REELD1: variants seen among roughly 807,000 people sequenced by gnomAD.
REELD1 encodes reeler domain containing 1.
REELD1 carries 12 observed loss-of-function variants against 6.3 expected under a neutral mutation model. The observed-to-expected ratio is 1.89, with a 90% CI of 1.21 to 3.07. The LOEUF is 3.07. REELD1 is among the 30% of genes most tolerant of loss of function. The pLI is 0.00. For synonymous variants in REELD1, 57 were observed against 33.6 expected (o/e 1.70, Z -2.42); for missense variants, 163 against 86.8 (o/e 1.88, Z -3.49).
intron 4 of REELD1, among the ~76,000 whole-genome samples, chr4:146,223,820 C>T (rs535712767): frequency 6.6e-6 from 1 of 152,306 alleles, no homozygotes; most frequent in Non-Finnish European, 1.5e-5. Flanking sequence ...TGACTTCGGC[C>T]AAATTAATCA....
At chr4:146,228,717 G>A (rs919073294) in intron 6 of REELD1, among the ~76,000 whole-genome samples, 195 bp downstream of exon 6, 1 of 152,136 alleles carries the variant, frequency 6.6e-6, no homozygotes, top group Non-Finnish European at 1.5e-5. Context: ...TTCTTGGATG[G>A]GGTGAGATCT....
chr4:146,216,906 A>G (rs923058834), intron 2 of REELD1, 36 bp from the exon 3 acceptor site: 1 of 398,350 alleles, frequency 2.5e-6, no homozygotes, highest in Non-Finnish European at 4.4e-6. Flanking sequence ...TTCCTAAATA[A>G]CGTCTGGACT....
chr4:146,221,562 A>C (rs1730922529), intron 3 of REELD1, among the ~76,000 whole-genome samples: 1 of 152,228 alleles, frequency 6.6e-6, no homozygotes. Context: ...TAATTGCTTT[A>C]AAAATTATTA....
At chr4:146,218,725 C>T (rs1730868096) in intron 3 of REELD1, among the ~76,000 whole-genome samples, 1 of 152,146 alleles carries the variant, frequency 6.6e-6, no homozygotes, top group Non-Finnish European at 1.5e-5. Context: ...GCAAGAGGCT[C>T]CCCAAGGAAG....
rs1221696368 is a variant in REELD1 at position 146,229,025 on chromosome 4, A to G, written c.909A>G (p.Arg303=). Residue 303 remains arginine (R), a splice_region_variant and synonymous_variant, in exon 7 of 8, where the codon AGA becomes AGG. Transcript: ENST00000623665. ...TCAGCCCTTCCATTCTTCCCTTTAGAACTCAGGATGATCCCAGCTTTGATT... is the reference window on the plus strand; with the variant it reads ...TCAGCCCTTCCATTCTTCCCTTTAGGACTCAGGATGATCCCAGCTTTGATT... ...SFASSLSTHH[R]TQDDPSFDSL... 1.4e-6 allele frequency: 1 copy of G among 702,446 alleles called. No homozygotes were observed. The highest frequency in any genetic ancestry group is 2.7e-5 in the East Asian group (1 of 37,280). The allele number at this position is 702,446 out of a possible 1,614,324, so 43.5% of individuals were successfully genotyped here.
chr4:146,229,990 C>G lies in REELD1; in HGVS notation c.1058C>G (p.Ser353Cys). 1 of 398,746 alleles carries G rather than the reference C, an allele frequency of 2.5e-6. No individual in the cohort carries two copies. The highest frequency in any genetic ancestry group is 4.4e-6 in the Non-Finnish European group (1 of 226,134). 24.7% of individuals were successfully genotyped at this position (398,746 alleles called of 1,614,324 possible). Residue 353 changes from serine (S) to cysteine (C), a missense_variant, in exon 8 of 8, where the codon TCT becomes TGT. By Grantham distance (112) the Ser-to-Cys change is moderately radical. Coordinates refer to ENST00000623665, the MANE Select transcript of REELD1 (RefSeq NM_001354631.1). ...QLTYPQCLWS[S>C]ETFTGNGVRA... ...ACCTATCCCCAGTGCCTCTGGTCCTCTGAAACTTTCACAGGGAATGGGGTC... is the reference window on the plus strand; with the variant it reads ...ACCTATCCCCAGTGCCTCTGGTCCTGTGAAACTTTCACAGGGAATGGGGTC...
At chr4:146,222,610 CTG>C (rs1730944250) in intron 4 of REELD1, 31 bp downstream of exon 4, 1 of 398,468 alleles carries the variant, frequency 2.5e-6, no homozygotes, top group African/African-American at 2.1e-5. Context: ...TTCTTAGAAA[CTG>C]AGCCTTCTAC....
At chr4:146,224,138 T>C (rs1730976129) in intron 4 of REELD1, among the ~76,000 whole-genome samples, 1 of 152,242 alleles carries the variant, frequency 6.6e-6, no homozygotes, top group Non-Finnish European at 1.5e-5. Flanking sequence ...TATTGGAGTC[T>C]AAACAGTTTG....
intron 7 of REELD1, 34 bp downstream of exon 7, chr4:146,229,122 T>C: frequency 2.9e-6 from 2 of 699,644 alleles, no homozygotes; most frequent in African/African-American, 1.7e-5. Context: ...GGCTTGTGAC[T>C]GGTATTTTGA....
At chr4:146,228,131 CT>C (rs1560726796) in intron 5 of REELD1, 78 bp from the exon 6 acceptor site, 7 of 649,364 alleles carry the variant, frequency 1.1e-5, no homozygotes, top group Middle Eastern at 7.5e-4. Context: ...CTGTTTACCC[CT>C]GATCATAGCT....
At chr4:146,227,975 C>G (rs952389998) in intron 5 of REELD1, among the ~76,000 whole-genome samples, 2 of 152,042 alleles carry the variant, frequency 1.3e-5, no homozygotes, top group African/African-American at 4.8e-5. Flanking sequence ...AGGTACAAGC[C>G]CAGACAGGCC....
At position 146,230,672 on chromosome 4, in the gene REELD1, A is replaced by G; in HGVS notation, c.*159A>G. On this transcript the variant is annotated 3_prime_UTR_variant, in exon 8 of 8. Coordinates refer to ENST00000623665, the MANE Select transcript of REELD1 (RefSeq NM_001354631.1). Reference sequence around the variant, plus strand: ...GAACCCGGGAGAGGACACTTTCATCAACAGAGGGAGTTATTCCTGAGCTTT... The same window carrying G: ...GAACCCGGGAGAGGACACTTTCATCGACAGAGGGAGTTATTCCTGAGCTTT... 2.5e-6 allele frequency: 1 copy of G among 395,220 alleles called. No individual in the cohort carries two copies. The highest frequency in any genetic ancestry group is 1.4e-4 in the South Asian group (1 of 6,984). 24.5% of individuals were successfully genotyped at this position (395,220 alleles called of 1,614,324 possible).
chr4:146,228,533 T>C lies in REELD1; in HGVS notation c.908+11T>C, dbSNP rs776783931. The C allele has an allele frequency of 4.2e-5, 29 of 697,870 alleles. No individual in the cohort carries two copies. Among genetic ancestry groups the C allele is most frequent in the Middle Eastern group, 5.0e-4 (2 of 4,028 alleles). The allele number at this position is 697,870 out of a possible 1,614,324, so 43.2% of individuals were successfully genotyped here. A position where few individuals can be genotyped will look rare whatever the true frequency, so the allele number is the denominator to read the frequency against. On this transcript the variant is annotated intron_variant, in intron 6 of 7. Coordinates refer to ENST00000623665, the MANE Select transcript of REELD1 (RefSeq NM_001354631.1). Reference sequence around the variant, plus strand: ...TAGCACCCATCACAGGTAAGGGTGATGGGTGGGCCATTCAGGACAGGTGAT... The same window carrying C: ...TAGCACCCATCACAGGTAAGGGTGACGGGTGGGCCATTCAGGACAGGTGAT...
chr4:146,230,229 G>GC lies in REELD1; in HGVS notation c.1301dup (p.Leu435SerfsTer46), dbSNP rs1731104418. ...TGACATTGGGCTAGAGGGAGCCCAG[G>GC]CCCCTCTGGGTATCCAGCTCAGAAC... On this transcript the variant is annotated frameshift_variant, in exon 8 of 8. Transcript: ENST00000623665. LOFTEE classifies it low-confidence loss of function (END_TRUNC). 1 of 398,776 alleles carries GC rather than the reference G, an allele frequency of 2.5e-6. No individual in the cohort carries two copies. 24.7% of individuals were successfully genotyped at this position (398,776 alleles called of 1,614,324 possible). A position where few individuals can be genotyped will look rare whatever the true frequency, so the allele number is the denominator to read the frequency against.
At position 146,228,500 on chromosome 4, in the gene REELD1, T is replaced by G. The variant is rs574177091; in HGVS notation, c.886T>G (p.Ser296Ala). 229 of 702,322 alleles carry G rather than the reference T, an allele frequency of 3.3e-4. No individual in the cohort carries two copies. Among genetic ancestry groups the G allele is most frequent in the Admixed American group, 1.4e-3 (68 of 50,002 alleles). The allele number at this position is 702,322 out of a possible 1,614,324, so 43.5% of individuals were successfully genotyped here. Residue 296 changes from serine to alanine, a missense_variant, in exon 6 of 8, where the codon TCC (serine) becomes GCC (alanine). Transcript: ENST00000623665. ...GAGAGTCTCCTCAGAGAGCTTTGCT[T>G]CCAGCCTTAGCACCCATCACAGGTA... ...LKRVSSESFA[S>A]SLSTHHRTQD...
In REELD1 at chr4:146,230,171, A is replaced by G; in HGVS notation, c.1239A>G (p.Gly413=). ...LRAGKGNGEG[G]VGYPRQTNPR... The stretch of plus-strand genomic sequence containing the variant: ...CAGGGAAGGGAAATGGAGAGGGTGG[A>G]GTGGGATACCCTCGGCAGACCAACC... Residue 413 remains glycine, a synonymous_variant, in exon 8 of 8, where the codon GGA becomes GGG. Transcript: ENST00000623665. 2.5e-6 allele frequency: 1 copy of G among 398,838 alleles called. No homozygotes were observed. The highest frequency in any genetic ancestry group is 4.4e-6 in the Non-Finnish European group (1 of 226,252). 24.7% of individuals were successfully genotyped at this position (398,838 alleles called of 1,614,324 possible). A position where few individuals can be genotyped will look rare whatever the true frequency, so the allele number is the denominator to read the frequency against.
chr4:146,229,053 C>G lies in REELD1; in HGVS notation c.937C>G (p.Leu313Val), dbSNP rs1731079626. The G allele has an allele frequency of 2.8e-6, 2 of 702,252 alleles. No homozygotes were observed. Among genetic ancestry groups the G allele is most frequent in the Non-Finnish European group, 5.2e-6 (2 of 384,910 alleles). 43.5% of individuals were successfully genotyped at this position (702,252 alleles called of 1,614,324 possible). A position where few individuals can be genotyped will look rare whatever the true frequency, so the allele number is the denominator to read the frequency against. The change falls in exon 7 of 8, where the codon CTG becomes GTG. Residue 313 changes from leucine to valine, a missense_variant. Coordinates refer to ENST00000623665, the MANE Select transcript of REELD1 (RefSeq NM_001354631.1). ...RTQDDPSFDS[L>V]ETCLSSDGGE... ...TCAGGATGATCCCAGCTTTGATTCA[C>G]TGGAAACTTGCCTGTCCTCAGATGG... is the stretch of plus-strand genomic sequence containing the variant.
In REELD1 at chr4:146,222,260, G is replaced by A. The variant is rs11935314; in HGVS notation, c.209-97G>A. 1.4e-3 allele frequency: 546 copies of A among 397,574 alleles called. 6 individuals are homozygous for A. Among genetic ancestry groups the A allele is most frequent in the African/African-American group, 0.01 (506 of 48,684 alleles). The allele number at this position is 397,574 out of a possible 1,614,324, so 24.6% of individuals were successfully genotyped here. A position where few individuals can be genotyped will look rare whatever the true frequency, so the allele number is the denominator to read the frequency against. On this transcript the variant is annotated intron_variant, in intron 3 of 7. Transcript: ENST00000623665. Reference sequence around the variant, plus strand: ...CTAATGAATTGTTCACTTTCTGGGGGCTGATCTTAAGCTTTTAGTTTTGAA... The same window carrying A: ...CTAATGAATTGTTCACTTTCTGGGGACTGATCTTAAGCTTTTAGTTTTGAA...
intron 4 of REELD1, among the ~76,000 whole-genome samples, chr4:146,222,825 C>T (rs993795934): frequency 2.6e-5 from 4 of 152,196 alleles, no homozygotes; most frequent in Admixed American, 2.0e-4. Context: ...TCCCTGCCTC[C>T]CCAGGCACAG....
Sources: allele counts gnomAD v4.1 joint callset (sites outside exome capture counted in the v4.1 genomes callset), GRCh38; gene constraint gnomAD v4.1.1; transcripts MANE v1.5; gene names NCBI Gene and HGNC (gene_info 2026-07-23, HGNC 2026-07-21).